IRAG2: variants seen among roughly 807,000 people sequenced by gnomAD.
IRAG2 encodes the protein lymphoid restricted membrane protein.
A neutral mutation model predicts 69.9 loss-of-function variants in IRAG2; 45 were observed. The observed-to-expected ratio is 0.64, with a 90% CI of 0.51 to 0.83. The LOEUF (loss-of-function observed/expected upper bound fraction) is 0.83. Among genes scored for constraint, IRAG2 ranks in the 40% least tolerant of loss-of-function variants. The pLI, the probability that IRAG2 is intolerant of heterozygous loss-of-function variation, is 0.00. For missense variants in IRAG2, 520 were observed against 587.0 expected (o/e 0.89, Z 1.18); for synonymous variants, 193 against 202.4 (o/e 0.95, Z 0.40).
intron 7 of IRAG2, among the ~76,000 whole-genome samples, chr12:25,023,318 C>T (rs76291248): frequency 1.5e-4 from 23 of 152,000 alleles, no homozygotes; most frequent in East Asian, 1.2e-3. Flanking sequence ...TGCATATTAA[C>T]AAATAAAAAG....
chr12:25,029,793 G>T (rs1944654988), intron 9 of IRAG2, among the ~76,000 whole-genome samples: 1 of 152,102 alleles, frequency 6.6e-6, no homozygotes, highest in African/African-American at 2.4e-5. Flanking sequence ...CCATCCTCCA[G>T]CCTCAGCCTC....
exon 6 of IRAG2, chr12:25,017,200 AAAT>A (rs916099773): frequency 3.2e-6 from 4 of 1,232,030 alleles, no homozygotes; most frequent in South Asian, 4.1e-5. Context: ...TTGAGGAAGA[AAAT>A]AATAAGTTTA....
intron 10 of IRAG2, among the ~76,000 whole-genome samples, chr12:25,084,540 G>GGGGT (rs1555141235): frequency 6.8e-6 from 1 of 147,236 alleles, no homozygotes; most frequent in Non-Finnish European, 1.5e-5. Flanking sequence ...TGCATGGAGG[G>GGGGT]GTGTGTGTGT....
intron 20 of IRAG2, among the ~76,000 whole-genome samples, chr12:25,105,056 CCTTA>C (rs146258574): frequency 0.11 from 16,246 of 146,332 alleles, 1,188 homozygotes; most frequent in Admixed American, 0.15. Context: ...AAGTGCCTAA[CCTTA>C]CTTGGTCTCA....
chr12:24,997,937 T>G, the IRAG2 span, among the ~76,000 whole-genome samples: 29 of 152,350 alleles, frequency 1.9e-4, no homozygotes, highest in Admixed American at 3.3e-4. Flanking sequence ...AAATCTCAAA[T>G]TGTTTTCAAT....
chr12:25,006,066 G>C (rs1050876607), intron 2 of IRAG2, among the ~76,000 whole-genome samples: 3 of 151,924 alleles, frequency 2.0e-5, no homozygotes, highest in African/African-American at 7.3e-5. Flanking sequence ...AGTGGGCAAA[G>C]GACATGAACA....
At chr12:25,095,985 C>G (rs1948392056) in intron 14 of IRAG2, among the ~76,000 whole-genome samples, 1 of 152,224 alleles carries the variant, frequency 6.6e-6, no homozygotes, top group African/African-American at 2.4e-5. Context: ...TAGCAACTCT[C>G]TAACTACAAC....
At chr12:25,096,500 AG>A (rs1948428285) in intron 14 of IRAG2, among the ~76,000 whole-genome samples, 1 of 152,230 alleles carries the variant, frequency 6.6e-6, no homozygotes, top group Non-Finnish European at 1.5e-5. Context: ...TCATACCGTC[AG>A]AGACATTTTT....
At chr12:25,006,374 A>T (rs1241482507) in intron 2 of IRAG2, 2 of 152,228 alleles carry the variant, frequency 1.3e-5, no homozygotes, top group African/African-American at 4.8e-5. Context: ...TCCACTGGGT[A>T]TGTACCCAAA....
intron 12 of IRAG2, among the ~76,000 whole-genome samples, chr12:25,033,404 A>C (rs115324471): frequency 0.032 from 4,800 of 152,330 alleles, 147 homozygotes; most frequent in African/African-American, 0.082. Context: ...AAATGAGTAA[A>C]GCTAATGGAA....
intron 9 of IRAG2, among the ~76,000 whole-genome samples, chr12:25,029,712 G>A (rs956191326): frequency 6.6e-6 from 1 of 151,128 alleles, no homozygotes; most frequent in Admixed American, 6.6e-5. Flanking sequence ...TGAGAGTCTT[G>A]CGCTGTCACC....
At chr12:25,009,572 T>C (rs1944458909) in intron 2 of IRAG2, among the ~76,000 whole-genome samples, 1 of 152,238 alleles carries the variant, frequency 6.6e-6, no homozygotes, top group Non-Finnish European at 1.5e-5. Flanking sequence ...CAATTTAATC[T>C]AGCTAGCTAA....
chr12:25,039,251 C>T (rs1054978451), intron 16 of IRAG2, among the ~76,000 whole-genome samples: 93 of 152,016 alleles, frequency 6.1e-4, no homozygotes, highest in Non-Finnish European at 7.2e-4. Context: ...CTATTTTATT[C>T]CCCCCAAATA....
chr12:25,012,730 A>AGGCG (rs1944486672), intron 3 of IRAG2, among the ~76,000 whole-genome samples: 1 of 152,114 alleles, frequency 6.6e-6, no homozygotes, highest in African/African-American at 2.4e-5. Flanking sequence ...TGGGAAGCTG[A>AGGCG]GGCGGGAGAA....
At chr12:25,070,287 C>A (rs1946254854) in intron 6 of IRAG2, among the ~76,000 whole-genome samples, 1 of 152,170 alleles carries the variant, frequency 6.6e-6, no homozygotes, top group South Asian at 2.1e-4. Context: ...GTCCCCAACC[C>A]CCAGCTGGAG....
At chr12:25,005,170 A>C (rs1944421567) in intron 1 of IRAG2, 2 of 510,784 alleles carry the variant, frequency 3.9e-6, no homozygotes, top group Non-Finnish European at 5.2e-6. Flanking sequence ...TGTTAAACCA[A>C]AAAAAAAAAA....
intron 16 of IRAG2, 137 bp from the exon 17 acceptor site, chr12:25,102,061 G>T: frequency 1.4e-6 from 1 of 714,286 alleles, no homozygotes; most frequent in Non-Finnish European, 2.6e-6. Flanking sequence ...ATGATAAACA[G>T]ATATTTATAT....
intron 21 of IRAG2, 43 bp downstream of exon 21, chr12:25,107,093 G>T: frequency 8.8e-7 from 1 of 1,139,306 alleles, no homozygotes; most frequent in South Asian, 1.3e-5. Flanking sequence ...TAGTGGAATG[G>T]GAAAGGGTGA....
At chr12:25,004,538 C>G (rs1944416311) in exon 1 of IRAG2, 1 of 1,232,140 alleles carries the variant, frequency 8.1e-7, no homozygotes, top group East Asian at 3.2e-5. Context: ...AAAATGACTG[C>G]TGCTTGTGTT....
Sources: allele counts gnomAD v4.1 joint callset (sites outside exome capture counted in the v4.1 genomes callset), GRCh38; gene constraint gnomAD v4.1.1; transcripts MANE v1.5; gene names NCBI Gene and HGNC (gene_info 2026-07-23, HGNC 2026-07-21).